Variants in DIAPH3 observed in about 807,000 individuals in gnomAD.
DIAPH3 encodes the protein protein diaphanous homolog 3.
DIAPH3 carries 117 observed loss-of-function variants against 144.3 expected under a neutral mutation model. The observed-to-expected ratio is 0.81, with a 90% CI of 0.70 to 0.95. The LOEUF (loss-of-function observed/expected upper bound fraction) is 0.95, where lower values mean the gene tolerates loss of function less well. Among genes scored for constraint, DIAPH3 ranks in the 40% least tolerant of loss-of-function variants. The pLI is 0.00. For synonymous variants in DIAPH3, 519 were observed against 488.9 expected (o/e 1.06, Z -0.81); for missense variants, 1,421 against 1,412.7 (o/e 1.01, Z -0.09).
chr13:59,936,519 TAGG>T (rs1028026111), intron 17 of DIAPH3, among the ~76,000 whole-genome samples: 1 of 152,146 alleles, frequency 6.6e-6, no homozygotes, highest in African/African-American at 2.4e-5. Flanking sequence ...AGCTGTGGAT[TAGG>T]GAGAAAAATA....
At chr13:59,686,486 A>G (rs1157240624) in intron 27 of DIAPH3, among the ~76,000 whole-genome samples, 1 of 151,652 alleles carries the variant, frequency 6.6e-6, no homozygotes, top group Admixed American at 6.6e-5. Context: ...AAAAGAACAA[A>G]TAAGAAAGCA....
chr13:59,872,195 T>C (rs1364604368), intron 21 of DIAPH3, among the ~76,000 whole-genome samples: 1 of 152,216 alleles, frequency 6.6e-6, no homozygotes, highest in African/African-American at 2.4e-5. Flanking sequence ...TATTTTCTAA[T>C]ATAGGCACTT....
At chr13:59,883,058 G>T (rs924726600) in intron 20 of DIAPH3, among the ~76,000 whole-genome samples, 3 of 152,062 alleles carry the variant, frequency 2.0e-5, no homozygotes. Context: ...TGTTAGAGAG[G>T]GAACAACGTA....
At chr13:59,798,602 T>A (rs1291642377) in intron 25 of DIAPH3, among the ~76,000 whole-genome samples, 1 of 152,198 alleles carries the variant, frequency 6.6e-6, no homozygotes, top group East Asian at 1.9e-4. Flanking sequence ...ACAAAGGTAG[T>A]CTTTTCCACA....
Position 59,879,436 on chromosome 13 carries a change from G to A in DIAPH3, c.2400C>T (p.Leu800=). ...ACTGAAGCTTAAAGAGAATAGCACT[G>A]AGCCGTGGCCGTAGTCTCTTCACAT... ...MSNVKRLRPR[L]SAILFKLQFE... is the part of the protein sequence containing the mutation. Residue 800 remains leucine, a synonymous_variant, in exon 21 of 28, where the codon CTC becomes CTT. Coordinates refer to ENST00000400324, the MANE Select transcript of DIAPH3 (RefSeq NM_001042517.2). 1 of 1,613,766 alleles carries A rather than the reference G, an allele frequency of 6.2e-7. No individual in the cohort carries two copies. Among genetic ancestry groups the A allele is most frequent in the African/African-American group, 1.3e-5 (1 of 75,006 alleles).
At chr13:60,076,676 T>C (rs1308543409) in intron 4 of DIAPH3, among the ~76,000 whole-genome samples, 1 of 152,160 alleles carries the variant, frequency 6.6e-6, no homozygotes, top group Non-Finnish European at 1.5e-5. Flanking sequence ...TTCTAAATTT[T>C]CTGCAACAAT....
chr13:60,132,883 T>G, intron 2 of DIAPH3, 74 bp downstream of exon 2: 2 of 1,275,108 alleles, frequency 1.6e-6, no homozygotes, highest in South Asian at 1.2e-5. Context: ...TTCAAAGATG[T>G]TAGCAGAGCA....
At chr13:59,934,360 T>C (rs1220010918) in intron 17 of DIAPH3, among the ~76,000 whole-genome samples, 1 of 152,190 alleles carries the variant, frequency 6.6e-6, no homozygotes, top group Non-Finnish European at 1.5e-5. Flanking sequence ...AGACTGTAAT[T>C]ACACTAGCCT....
chr13:59,759,902 G>A (rs1394209604), intron 27 of DIAPH3, among the ~76,000 whole-genome samples: 4 of 152,026 alleles, frequency 2.6e-5, no homozygotes, highest in African/African-American at 7.2e-5. Flanking sequence ...AGCCGAGATC[G>A]CGCCCACTGC....
intron 27 of DIAPH3, among the ~76,000 whole-genome samples, chr13:59,668,509 A>C (rs1355309283): frequency 6.6e-6 from 1 of 152,138 alleles, no homozygotes; most frequent in Non-Finnish European, 1.5e-5. Flanking sequence ...AGAATATGAA[A>C]TGTGTGTGTG....
chr13:60,028,035 T>C (rs2054505618), intron 5 of DIAPH3, among the ~76,000 whole-genome samples: 1 of 152,156 alleles, frequency 6.6e-6, no homozygotes, highest in Non-Finnish European at 1.5e-5. Context: ...AATGCACTCA[T>C]AATGCTCCCC....
Position 59,840,123 on chromosome 13 carries a change from T to C in DIAPH3, c.2738-675A>G, listed in dbSNP as rs553976521. ...CAGAACAGACATTAAGGATCATTTCTGAAAATCTTTTCATAGTCAATTTTA... is the reference window on the plus strand; with the variant it reads ...CAGAACAGACATTAAGGATCATTTCCGAAAATCTTTTCATAGTCAATTTTA... On this transcript the variant is annotated intron_variant, in intron 22 of 27. Transcript: ENST00000400324. Among the ~76,000 whole-genome samples the C allele has an allele frequency of 1.1e-4, 17 of 152,288 alleles. 1 individual carries two copies. Among genetic ancestry groups the C allele is most frequent in the African/African-American group, 4.1e-4 (17 of 41,572 alleles).
chr13:59,987,857 A>C (rs1321879158), intron 12 of DIAPH3, among the ~76,000 whole-genome samples: 1 of 151,876 alleles, frequency 6.6e-6, no homozygotes, highest in African/African-American at 2.4e-5. Flanking sequence ...AAAACAGATA[A>C]AAGATTTTAT....
chr13:59,680,560 T>G (rs796725422), intron 27 of DIAPH3, among the ~76,000 whole-genome samples: 2 of 150,448 alleles, frequency 1.3e-5, no homozygotes, highest in African/African-American at 5.0e-5. Flanking sequence ...ACTTCTTTCC[T>G]TAGTCTTTTT....
rs1370649037 is a variant in DIAPH3 at position 59,666,533 on chromosome 13, G to A, written c.*51C>T. 10 of 1,608,702 alleles carry A rather than the reference G, an allele frequency of 6.2e-6. No homozygotes were observed. Among genetic ancestry groups the A allele is most frequent in the Non-Finnish European group, 8.5e-6 (10 of 1,177,150 alleles). Reference sequence around the variant, plus strand: ...CAATTTTTTCAAGTGTTATAGTTTAGAGCATGGCTTTATATTTGGCTTAAT... The same window carrying A: ...CAATTTTTTCAAGTGTTATAGTTTAAAGCATGGCTTTATATTTGGCTTAAT... On this transcript the variant is annotated 3_prime_UTR_variant, in exon 28 of 28. Coordinates refer to ENST00000400324, the MANE Select transcript of DIAPH3 (RefSeq NM_001042517.2).
intron 17 of DIAPH3, among the ~76,000 whole-genome samples, chr13:59,960,406 A>T (rs1205325834): frequency 6.6e-6 from 1 of 152,194 alleles, no homozygotes; most frequent in Non-Finnish European, 1.5e-5. Context: ...TGGAGGAGAA[A>T]AAAAGGAGTA....
chr13:59,894,809 C>T (rs1464463424), intron 20 of DIAPH3, among the ~76,000 whole-genome samples: 1 of 151,890 alleles, frequency 6.6e-6, no homozygotes, highest in Admixed American at 6.6e-5. Flanking sequence ...TACTAGCATT[C>T]AAGTGATCAG....
chr13:59,791,301 C>T (rs2039313307), intron 25 of DIAPH3, among the ~76,000 whole-genome samples: 1 of 152,068 alleles, frequency 6.6e-6, no homozygotes, highest in South Asian at 2.1e-4. Flanking sequence ...ACAAGAGATA[C>T]ATAAAATAAA....
intron 18 of DIAPH3, among the ~76,000 whole-genome samples, chr13:59,917,521 T>C (rs887470652): frequency 1.8e-4 from 27 of 152,012 alleles, no homozygotes; most frequent in African/African-American, 4.6e-4. Flanking sequence ...TATGAAATCA[T>C]TACAATAAAA....
Sources: gnomAD v4.1 joint callset for allele counts (sites outside exome capture counted in the v4.1 genomes callset) on GRCh38, gnomAD v4.1.1 for gene constraint, MANE v1.5 for transcripts, NCBI Gene and HGNC (gene_info 2026-07-23, HGNC 2026-07-21) for gene names.